The following SCLT1 variants were observed in gnomAD, a reference collection of about 807,000 sequenced individuals.
SCLT1 encodes sodium channel and clathrin linker 1.
SCLT1 carries 78 observed loss-of-function variants against 112.8 expected under a neutral mutation model. The observed-to-expected ratio is 0.69, with a 90% CI of 0.58 to 0.83. The LOEUF (loss-of-function observed/expected upper bound fraction) is 0.83, where lower values mean the gene tolerates loss of function less well. Ranked by LOEUF, SCLT1 falls within the 40% of genes least tolerant of loss-of-function variation. The pLI, the probability that SCLT1 is intolerant of heterozygous loss-of-function variation, is 0.00. For missense variants in SCLT1, 747 were observed against 770.4 expected (o/e 0.97, Z 0.36); for synonymous variants, 257 against 254.7 (o/e 1.01, Z -0.09).
At position 129,048,477 on chromosome 4, in the gene SCLT1, C is replaced by T. The variant is rs12508890; in HGVS notation, c.103-4426G>A. Among the ~76,000 whole-genome samples the T allele has an allele frequency of 9.5e-4, 133 of 139,818 alleles. 1 individual carries two copies. Among genetic ancestry groups the T allele is most frequent in the Middle Eastern group, 3.8e-3 (1 of 262 alleles). The allele number at this position is 139,818 out of a possible 152,430, so 91.7% of individuals were successfully genotyped here. On this transcript the variant is annotated intron_variant, in intron 2 of 20. Coordinates refer to ENST00000281142, the MANE Select transcript of SCLT1 (RefSeq NM_144643.4). Reference sequence around the variant, plus strand: ...TCCTTACACCTTATACAAAAATTAACTCAAGATGGATTAAAGACTTAAATG... The same window carrying T: ...TCCTTACACCTTATACAAAAATTAATTCAAGATGGATTAAAGACTTAAATG...
intron 5 of SCLT1, among the ~76,000 whole-genome samples, chr4:129,023,103 T>C (rs1745643690): frequency 6.6e-6 from 1 of 152,188 alleles, no homozygotes; most frequent in South Asian, 2.1e-4. Flanking sequence ...TGCTGAGGTA[T>C]TTTGTCACCA....
intron 18 of SCLT1, among the ~76,000 whole-genome samples, chr4:128,898,662 A>G (rs1345986749): frequency 3.9e-5 from 6 of 152,358 alleles, no homozygotes; most frequent in Middle Eastern, 3.4e-3. Flanking sequence ...ATGGCAAGAA[A>G]TAACTAAGAT....
chr4:129,024,082 T>A (rs1213795321), intron 5 of SCLT1, among the ~76,000 whole-genome samples: 6 of 152,228 alleles, frequency 3.9e-5, no homozygotes, highest in South Asian at 2.1e-4. Context: ...GAGGCCTGCC[T>A]GCCTCTGTAG....
At chr4:128,918,633 A>G (rs1467026863) in intron 18 of SCLT1, among the ~76,000 whole-genome samples, 1 of 152,210 alleles carries the variant, frequency 6.6e-6, no homozygotes, top group African/African-American at 2.4e-5. Flanking sequence ...TAAACGGCAT[A>G]GAGTGGCAAG....
intron 18 of SCLT1, among the ~76,000 whole-genome samples, chr4:128,928,861 A>G (rs1736526106): frequency 6.6e-6 from 1 of 152,136 alleles, no homozygotes; most frequent in African/African-American, 2.4e-5. Flanking sequence ...AATATTTGTG[A>G]TAAAAGCTCT....
intron 2 of SCLT1, among the ~76,000 whole-genome samples, chr4:129,067,051 A>T (rs1750551473): frequency 6.6e-6 from 1 of 152,180 alleles, no homozygotes. Context: ...AAGAACTGAC[A>T]CAATTGGGTG....
rs113952928 is a variant in SCLT1, at chr4:128,982,659, G to A, written c.686+9508C>T. 4.7e-3 allele frequency among the ~76,000 whole-genome samples: 716 copies of A among 151,976 alleles called. 4 individuals are homozygous for A. Among genetic ancestry groups the A allele is most frequent in the African/African-American group, 0.016 (658 of 41,440 alleles). On this transcript the variant is annotated intron_variant, in intron 9 of 20. Coordinates refer to ENST00000281142, the MANE Select transcript of SCLT1 (RefSeq NM_144643.4). Reference sequence around the variant, plus strand: ...TGGGATTACAGGCTCCCATCACCATGCCCGGCTAATTTTTGTATTTTTAGA... The same window carrying A: ...TGGGATTACAGGCTCCCATCACCATACCCGGCTAATTTTTGTATTTTTAGA...
At chr4:128,974,373 CA>C (rs1740962470) in intron 9 of SCLT1, among the ~76,000 whole-genome samples, 1 of 151,516 alleles carries the variant, frequency 6.6e-6, no homozygotes, top group Admixed American at 6.6e-5. Context: ...TTTCACCAGG[CA>C]TAACTAGATA....
At chr4:128,995,541 G>A (rs905645256) in intron 8 of SCLT1, among the ~76,000 whole-genome samples, 1 of 152,034 alleles carries the variant, frequency 6.6e-6, no homozygotes, top group Non-Finnish European at 1.5e-5. Flanking sequence ...ATTAGAGAAA[G>A]CAGGCACCTC....
chr4:128,873,638 A>AAACTT (rs1235042681), intron 5 of SCLT1: 1 of 152,456 alleles, frequency 6.6e-6, no homozygotes, highest in Non-Finnish European at 1.5e-5. Flanking sequence ...GTTGTGAATC[A>AAACTT]AACTTAAGGA....
At chr4:128,965,419 C>T (rs919859673) in intron 10 of SCLT1, 101 bp from the exon 11 acceptor site, 7 of 741,740 alleles carry the variant, frequency 9.4e-6, no homozygotes, top group Admixed American at 2.6e-5. Flanking sequence ...AGTTATTATG[C>T]TATTAGCATT....
At chr4:128,919,795 A>G (rs1302778046) in intron 18 of SCLT1, among the ~76,000 whole-genome samples, 2 of 152,146 alleles carry the variant, frequency 1.3e-5, no homozygotes, top group Admixed American at 1.3e-4. Flanking sequence ...CAAACCAGAA[A>G]ACCTAGAAAT....
chr4:128,907,619 TACTC>T (rs1285723663), intron 18 of SCLT1, among the ~76,000 whole-genome samples: 1 of 152,158 alleles, frequency 6.6e-6, no homozygotes, highest in African/African-American at 2.4e-5. Flanking sequence ...CATATGAAAA[TACTC>T]AGTAGAGAGT....
At chr4:128,914,634 A>G (rs777151811) in intron 18 of SCLT1, among the ~76,000 whole-genome samples, 1 of 152,114 alleles carries the variant, frequency 6.6e-6, no homozygotes, top group Non-Finnish European at 1.5e-5. Context: ...CATTAAGGAG[A>G]AAGAAGAGAA....
chr4:129,010,616 G>C (rs1246979111), intron 5 of SCLT1, among the ~76,000 whole-genome samples: 9 of 152,102 alleles, frequency 5.9e-5, no homozygotes. Context: ...GCTTCTTGTA[G>C]AGAGATCTTT....
chr4:128,903,720 C>T (rs1319335620), intron 18 of SCLT1, among the ~76,000 whole-genome samples: 1 of 152,166 alleles, frequency 6.6e-6, no homozygotes, highest in African/African-American at 2.4e-5. Context: ...ATTTCACAAA[C>T]TCTATCCCCT....
chr4:128,894,061 T>G (rs1413226805), intron 18 of SCLT1, among the ~76,000 whole-genome samples: 1 of 152,060 alleles, frequency 6.6e-6, no homozygotes, highest in East Asian at 1.9e-4. Context: ...TGCCTCAGCC[T>G]CCTGAGTAGC....
intron 2 of SCLT1, among the ~76,000 whole-genome samples, chr4:129,050,041 C>T (rs112283108): frequency 0.014 from 2,190 of 152,264 alleles, 48 homozygotes; most frequent in African/African-American, 0.044. Flanking sequence ...TTTCCAACTT[C>T]ATCCATGTCC....
At chr4:128,898,388 T>C (rs1733968602) in intron 18 of SCLT1, among the ~76,000 whole-genome samples, 1 of 152,106 alleles carries the variant, frequency 6.6e-6, no homozygotes, top group African/African-American at 2.4e-5. Flanking sequence ...ACCGCTCAAC[T>C]ACATGGAAAC....
Sources: allele counts gnomAD v4.1 joint callset (sites outside exome capture counted in the v4.1 genomes callset), GRCh38; gene constraint gnomAD v4.1.1; transcripts MANE v1.5; gene names NCBI Gene and HGNC (gene_info 2026-07-23, HGNC 2026-07-21).